Variants in RAVER2 observed in about 807,000 individuals in gnomAD.
The protein encoded by RAVER2 is ribonucleoprotein, PTB binding 2.
Under a neutral mutation model 78.1 loss-of-function variants are expected in RAVER2, and 46 were observed. The observed-to-expected ratio is 0.59, with a 90% CI of 0.46 to 0.75. RAVER2 has a LOEUF of 0.75. Ranked by LOEUF, RAVER2 falls within the 30% of genes least tolerant of loss-of-function variation. The pLI, the probability that RAVER2 is intolerant of heterozygous loss-of-function variation, is 0.00. For missense variants in RAVER2, 793 were observed against 837.5 expected (o/e 0.95, Z 0.66); for synonymous variants, 311 against 313.3 (o/e 0.99, Z 0.08).
chr1:64,832,336 T>G (rs1230315654), exon 12 of RAVER2: 1 of 152,560 alleles, frequency 6.6e-6, no homozygotes, highest in East Asian at 1.9e-4. Flanking sequence ...AAAAATCAGT[T>G]ATTTAACCCA....
intron 1 of RAVER2, among the ~76,000 whole-genome samples, chr1:64,758,424 G>A (rs190304712): frequency 6.6e-5 from 10 of 152,192 alleles, no homozygotes; most frequent in African/African-American, 2.2e-4. Flanking sequence ...CTAATCACAT[G>A]TGCCCTTTAA....
chr1:64,758,729 C>T lies in RAVER2; in HGVS notation c.250-9927C>T, dbSNP rs564463751. 1.5e-3 allele frequency among the ~76,000 whole-genome samples: 222 copies of T among 152,132 alleles called. 1 individual carries two copies. Among genetic ancestry groups the T allele is most frequent in the African/African-American group, 5.1e-3 (211 of 41,494 alleles). ...TAGCTTGCCTGACACCTTGATTTGG[C>T]CTTGGGAGACCCTAAACAGAAAACC... On this transcript the variant is annotated intron_variant, in intron 1 of 11. Coordinates refer to ENST00000294428, the Ensembl canonical transcript of RAVER2.
intron 4 of RAVER2, among the ~76,000 whole-genome samples, chr1:64,782,537 T>A (rs1264640921): frequency 6.6e-6 from 1 of 152,196 alleles, no homozygotes; most frequent in Non-Finnish European, 1.5e-5. Flanking sequence ...GAAATACAGA[T>A]TTTTGCATGA....
chr1:64,796,872 T>C (rs1006926894), intron 5 of RAVER2, among the ~76,000 whole-genome samples: 2 of 152,182 alleles, frequency 1.3e-5, no homozygotes, highest in African/African-American at 4.8e-5. Context: ...TCTTTTAATG[T>C]GTTTAGTATT....
chr1:64,770,594 G>T lies in RAVER2; in HGVS notation c.316+1872G>T, dbSNP rs74684549. ...TGATGAAGAAGCAGGAAAACCTAATGTATAACGAGGACAAAAATCAATCAC... is the reference window on the plus strand; with the variant it reads ...TGATGAAGAAGCAGGAAAACCTAATTTATAACGAGGACAAAAATCAATCAC... On this transcript the variant is annotated intron_variant, in intron 2 of 11. Transcript: ENST00000294428. Among the ~76,000 whole-genome samples, 1,266 of 152,038 alleles carry T rather than the reference G, an allele frequency of 8.3e-3. 17 individuals are homozygous for T. Among genetic ancestry groups the T allele is most frequent in the African/African-American group, 0.029 (1,215 of 41,498 alleles).
At chr1:64,817,525 T>C (rs1653783432) in intron 11 of RAVER2, among the ~76,000 whole-genome samples, 1 of 152,116 alleles carries the variant, frequency 6.6e-6, no homozygotes, top group Non-Finnish European at 1.5e-5. Flanking sequence ...AGTGATGGAC[T>C]GGATTAAGAA....
Position 64,817,673 on chromosome 1 carries a change from T to G in RAVER2, c.1929+2833T>G, listed in dbSNP as rs1653786947. On this transcript the variant is annotated intron_variant, in intron 11 of 11. Transcript: ENST00000294428. Reference sequence around the variant, plus strand: ...CAAGGACAGAAAACCAAACACCACATGTTCTGACTCAGAGGTGAGAATTGA... The same window carrying G: ...CAAGGACAGAAAACCAAACACCACAGGTTCTGACTCAGAGGTGAGAATTGA... Among the ~76,000 whole-genome samples, 3 of 146,154 alleles carry G rather than the reference T, an allele frequency of 2.1e-5. No individual in the cohort carries two copies. In the South Asian group the frequency reaches 6.4e-4, roughly 31 times the overall value.
intron 5 of RAVER2, among the ~76,000 whole-genome samples, chr1:64,796,906 A>G (rs1653110969): frequency 6.6e-6 from 1 of 152,126 alleles, no homozygotes; most frequent in Non-Finnish European, 1.5e-5. Flanking sequence ...TAAGCACTGT[A>G]TCTCACAAAT....
intron 1 of RAVER2, among the ~76,000 whole-genome samples, chr1:64,765,204 C>T (rs910699073): frequency 6.6e-6 from 1 of 152,178 alleles, no homozygotes; most frequent in African/African-American, 2.4e-5. Flanking sequence ...TTGGCACTTC[C>T]TCATAAAGTT....
chr1:64,819,613 C>T (rs1653835073), intron 11 of RAVER2, among the ~76,000 whole-genome samples: 1 of 152,184 alleles, frequency 6.6e-6, no homozygotes, highest in Non-Finnish European at 1.5e-5. Context: ...CTTCAAAAAA[C>T]TTACAGATCT....
chr1:64,784,069 T>A (rs1201927181), intron 4 of RAVER2, among the ~76,000 whole-genome samples: 1 of 152,222 alleles, frequency 6.6e-6, no homozygotes, highest in Non-Finnish European at 1.5e-5. Flanking sequence ...CTTTTATTGG[T>A]TGGTCCCTTC....
chr1:64,813,592 G>A (rs915481857), intron 10 of RAVER2, among the ~76,000 whole-genome samples: 2 of 151,904 alleles, frequency 1.3e-5, no homozygotes, highest in Admixed American at 1.3e-4. Context: ...AAGAAGAATA[G>A]GATTAAATGA....
intron 1 of RAVER2, among the ~76,000 whole-genome samples, chr1:64,755,055 C>T (rs1570525658): frequency 6.6e-6 from 1 of 152,136 alleles, no homozygotes; most frequent in South Asian, 2.1e-4. Context: ...AGAGTGGATG[C>T]TCAACAAAGT....
At chr1:64,773,349 G>A (rs1008135906) in intron 2 of RAVER2, among the ~76,000 whole-genome samples, 5 of 149,842 alleles carry the variant, frequency 3.3e-5, no homozygotes, top group African/African-American at 4.9e-5. Flanking sequence ...TACACCCCCC[G>A]ACAGGCCCCA....
At chr1:64,754,898 C>A (rs542976607) in intron 1 of RAVER2, among the ~76,000 whole-genome samples, 1 of 152,254 alleles carries the variant, frequency 6.6e-6, no homozygotes, top group African/African-American at 2.4e-5. Flanking sequence ...GGGTAGTGAT[C>A]CTTTATCTGG....
At chr1:64,792,494 C>G (rs774616032) in intron 5 of RAVER2, among the ~76,000 whole-genome samples, 13 of 152,170 alleles carry the variant, frequency 8.5e-5, no homozygotes, top group Non-Finnish European at 1.8e-4. Context: ...TAATTCATCT[C>G]AAGTATTATT....
intron 11 of RAVER2, among the ~76,000 whole-genome samples, chr1:64,822,405 G>A (rs551883163): frequency 1.3e-5 from 2 of 152,306 alleles, no homozygotes; most frequent in East Asian, 3.9e-4. Context: ...GATAACAAAT[G>A]AAAAATTTAC....
chr1:64,810,811 A>G (rs1356673890), intron 9 of RAVER2, among the ~76,000 whole-genome samples: 1 of 152,172 alleles, frequency 6.6e-6, no homozygotes, highest in Non-Finnish European at 1.5e-5. Flanking sequence ...AGTTTTCTAC[A>G]TACAGTTGAC....
chr1:64,789,151 G>A (rs918770827), intron 4 of RAVER2, among the ~76,000 whole-genome samples: 5 of 152,158 alleles, frequency 3.3e-5, no homozygotes, highest in African/African-American at 7.2e-5. Flanking sequence ...GTGCTAAATT[G>A]TCAGTCCTCT....
Sources: allele counts gnomAD v4.1 joint callset (sites outside exome capture counted in the v4.1 genomes callset), GRCh38; gene constraint gnomAD v4.1.1; transcripts MANE v1.5; gene names NCBI Gene and HGNC (gene_info 2026-07-23, HGNC 2026-07-21).